IFT25: variants seen among roughly 807,000 people sequenced by gnomAD.
The protein encoded by IFT25 is intraflagellar transport 25.
chr1:53,944,407 G>A, the IFT25 span, among the ~76,000 whole-genome samples: 1 of 152,086 alleles, frequency 6.6e-6, no homozygotes, highest in East Asian at 1.9e-4. Context: ...CACTTTGGGA[G>A]GCCCAGGCAG....
At chr1:53,916,789 CT>C in the IFT25 span, 1 of 392,926 alleles carries the variant, frequency 2.5e-6, no homozygotes, top group Non-Finnish European at 4.5e-6. Context: ...CTTCACATCT[CT>C]TATCTGGTAT....
At chr1:53,921,162 C>A in the IFT25 span, among the ~76,000 whole-genome samples, 2 of 152,040 alleles carry the variant, frequency 1.3e-5, no homozygotes, top group African/African-American at 4.8e-5. Context: ...GACAGCTAGA[C>A]CCTACTGCAA....
chr1:53,916,600 G>A, the IFT25 span: 1,510 of 236,110 alleles, frequency 6.4e-3, 20 homozygotes, highest in African/African-American at 0.032. Context: ...TATTGAACAT[G>A]AACACAATTG....
At chr1:53,914,613 G>A in the IFT25 span, among the ~76,000 whole-genome samples, 1 of 151,922 alleles carries the variant, frequency 6.6e-6, no homozygotes, top group African/African-American at 2.4e-5. Flanking sequence ...ACTTATCTTT[G>A]TATATTCCTT....
At chr1:53,940,721 T>G in the IFT25 span, among the ~76,000 whole-genome samples, 14 of 152,222 alleles carry the variant, frequency 9.2e-5, no homozygotes, top group African/African-American at 3.1e-4. Flanking sequence ...TATGTTTTAG[T>G]TTTTTAGAAA....
chr1:53,923,780 G>T, the IFT25 span: 5 of 660,282 alleles, frequency 7.6e-6, no homozygotes, highest in South Asian at 1.8e-5. Context: ...TTTCTCTACC[G>T]GTTGATTTAG....
the IFT25 span, chr1:53,928,722 ATAC>A: frequency 1.2e-5 from 4 of 328,706 alleles, no homozygotes; most frequent in South Asian, 2.6e-4. Context: ...TATGGCGATA[ATAC>A]TACTATTGGT....
At chr1:53,911,743 C>G in the IFT25 span, among the ~76,000 whole-genome samples, 1 of 152,122 alleles carries the variant, frequency 6.6e-6, no homozygotes, top group Non-Finnish European at 1.5e-5. Context: ...ACTTCAAGGC[C>G]AGAGTCCTAG....
At chr1:53,918,296 C>T in the IFT25 span, among the ~76,000 whole-genome samples, 3 of 152,142 alleles carry the variant, frequency 2.0e-5, no homozygotes, top group Non-Finnish European at 4.4e-5. Flanking sequence ...AAAAATCATG[C>T]AAGAGCATTT....
chr1:53,928,291 G>T, the IFT25 span: 1 of 1,121,430 alleles, frequency 8.9e-7, no homozygotes, highest in Non-Finnish European at 1.3e-6. Context: ...TTTCACCAAA[G>T]TGCAGCTAGA....
the IFT25 span, among the ~76,000 whole-genome samples, chr1:53,943,317 T>C: frequency 6.6e-6 from 1 of 152,286 alleles, no homozygotes; most frequent in South Asian, 2.1e-4. Context: ...AGTCAGATTT[T>C]AGGAAAGGTA....
At chr1:53,914,871 C>A in the IFT25 span, among the ~76,000 whole-genome samples, 1 of 152,164 alleles carries the variant, frequency 6.6e-6, no homozygotes, top group Non-Finnish European at 1.5e-5. Context: ...AAAAAAAAAT[C>A]TGTATAAATG....
At chr1:53,923,810 T>G in the IFT25 span, 1 of 800,550 alleles carries the variant, frequency 1.2e-6, no homozygotes, top group Non-Finnish European at 2.2e-6. Context: ...TATAATATCA[T>G]GAGGAAATTT....
At chr1:53,915,746 A>G in the IFT25 span, among the ~76,000 whole-genome samples, 113 of 152,220 alleles carry the variant, frequency 7.4e-4, no homozygotes, top group African/African-American at 2.6e-3. Flanking sequence ...CAGTGGCAAG[A>G]GCACTACAGG....
At chr1:53,915,311 G>A in the IFT25 span, among the ~76,000 whole-genome samples, 4 of 152,116 alleles carry the variant, frequency 2.6e-5, no homozygotes, top group Non-Finnish European at 4.4e-5. Context: ...GAAAAAATAC[G>A]TTAGACAGTT....
At chr1:53,921,662 G>C in the IFT25 span, 1 of 1,591,266 alleles carries the variant, frequency 6.3e-7, no homozygotes, top group Non-Finnish European at 8.6e-7. Context: ...TATGAGGAAA[G>C]ATTTGAGACT....
At chr1:53,921,779 A>C in the IFT25 span, 1 of 1,523,924 alleles carries the variant, frequency 6.6e-7, no homozygotes, top group Admixed American at 1.7e-5. Flanking sequence ...TGTATGGGAA[A>C]AAAATCAATA....
the IFT25 span, among the ~76,000 whole-genome samples, chr1:53,925,201 C>T: frequency 6.6e-6 from 1 of 152,048 alleles, no homozygotes; most frequent in African/African-American, 2.4e-5. Flanking sequence ...TCTTTACCTC[C>T]TCTCAAATTT....
chr1:53,930,173 G>C, the IFT25 span: 97 of 1,529,652 alleles, frequency 6.3e-5, no homozygotes, highest in Non-Finnish European at 1.0e-5. Context: ...GAAAAAATAA[G>C]AATAGCCAAA....
Sources: allele counts gnomAD v4.1 joint callset (sites outside exome capture counted in the v4.1 genomes callset), GRCh38; gene constraint gnomAD v4.1.1; transcripts MANE v1.5; gene names NCBI Gene and HGNC (gene_info 2026-07-23, HGNC 2026-07-21).